Variants in GRB10 observed in about 807,000 individuals in gnomAD.
GRB10 encodes the protein growth factor receptor-bound protein 10.
Under a neutral mutation model 80.9 loss-of-function variants are expected in GRB10, and 20 were observed. The ratio of observed to expected loss-of-function variants is 0.25; its 90% confidence interval spans 0.17 to 0.36. The LOEUF is 0.36. GRB10 is among the 10% of genes least tolerant of loss of function. The pLI is 1.00. For synonymous variants in GRB10, 291 were observed against 291.5 expected, an observed-to-expected ratio of 1.00 and a Z score of 0.02; for missense variants, 548 against 747.7, an observed-to-expected ratio of 0.73 and a Z score of 3.12.
At chr7:50,677,855 CCACACACATG>C (rs893217213) in intron 5 of GRB10, among the ~76,000 whole-genome samples, 1 of 152,164 alleles carries the variant, frequency 6.6e-6, no homozygotes, top group Non-Finnish European at 1.5e-5. Context: ...GCGAACATGT[CCACACACATG>C]CACACACTTG....
At chr7:50,760,112 C>G (rs555336607) in intron 2 of GRB10, among the ~76,000 whole-genome samples, 2 of 152,248 alleles carry the variant, frequency 1.3e-5, no homozygotes, top group African/African-American at 4.8e-5. Flanking sequence ...CCATGCAGAC[C>G]AGAAGCACAG....
intron 4 of GRB10, among the ~76,000 whole-genome samples, chr7:50,705,793 T>C (rs558407721): frequency 6.6e-6 from 1 of 152,360 alleles, no homozygotes; most frequent in South Asian, 2.1e-4. Context: ...ATACAGGTTG[T>C]TGGAAATGTA....
intron 9 of GRB10, among the ~76,000 whole-genome samples, 171 bp from the exon 10 acceptor site, chr7:50,618,310 T>C (rs2051018417): frequency 6.6e-6 from 1 of 152,222 alleles, no homozygotes; most frequent in African/African-American, 2.4e-5. Context: ...AACACCTCCT[T>C]CAAAAGGTTG....
chr7:50,716,653 C>G (rs768903519), intron 4 of GRB10, among the ~76,000 whole-genome samples: 1 of 152,184 alleles, frequency 6.6e-6, no homozygotes, highest in Non-Finnish European at 1.5e-5. Context: ...TCCAACCCTA[C>G]AGATGAAAAA....
At chr7:50,764,758 C>T (rs144615815) in intron 2 of GRB10, among the ~76,000 whole-genome samples, 4 of 152,306 alleles carry the variant, frequency 2.6e-5, no homozygotes, top group Non-Finnish European at 5.9e-5. Flanking sequence ...CAGAGTGCTT[C>T]ACACAGCACT....
chr7:50,687,290 G>C (rs2062212830), intron 5 of GRB10, among the ~76,000 whole-genome samples: 1 of 152,216 alleles, frequency 6.6e-6, no homozygotes, highest in Admixed American at 6.5e-5. Flanking sequence ...CTATTGGCAG[G>C]ATACATTCCC....
At chr7:50,770,285 A>G (rs2076852771) in intron 2 of GRB10, among the ~76,000 whole-genome samples, 1 of 152,212 alleles carries the variant, frequency 6.6e-6, no homozygotes, top group Non-Finnish European at 1.5e-5. Flanking sequence ...AAGTTCCCTC[A>G]TTTGGCACAT....
intron 3 of GRB10, among the ~76,000 whole-genome samples, chr7:50,748,069 T>C (rs1188720670): frequency 4.6e-5 from 7 of 152,028 alleles, no homozygotes; most frequent in African/African-American, 1.7e-4. Context: ...GAGGATAGGA[T>C]TGTTCTCATC....
intron 3 of GRB10, among the ~76,000 whole-genome samples, chr7:50,745,694 T>G (rs1176059734): frequency 6.6e-6 from 1 of 152,224 alleles, no homozygotes; most frequent in Non-Finnish European, 1.5e-5. Context: ...GCCCTTGGAT[T>G]TAAACACTTT....
chr7:50,662,114 G>A (rs1292881438), intron 7 of GRB10, among the ~76,000 whole-genome samples: 2 of 152,232 alleles, frequency 1.3e-5, no homozygotes, highest in Non-Finnish European at 2.9e-5. Context: ...CTGCAATGTT[G>A]TGGAGTTGGA....
chr7:50,768,437 G>A (rs2076597099), intron 2 of GRB10, among the ~76,000 whole-genome samples: 1 of 152,104 alleles, frequency 6.6e-6, no homozygotes, highest in African/African-American at 2.4e-5. Context: ...GGTTCATTGT[G>A]GTCAGCTGGG....
intron 3 of GRB10, among the ~76,000 whole-genome samples, chr7:50,745,565 C>T (rs1336655158): frequency 6.6e-6 from 1 of 152,112 alleles, no homozygotes; most frequent in African/African-American, 2.4e-5. Flanking sequence ...ATAAAGCCAA[C>T]GGGAAGGAAA....
intron 2 of GRB10, chr7:50,761,645 C>G (rs1373778222): frequency 6.6e-6 from 1 of 152,176 alleles, no homozygotes; most frequent in Admixed American, 6.6e-5. Flanking sequence ...AGTGAAGAAA[C>G]AGAAACGAGG....
Position 50,733,960 on chromosome 7 carries a change from T to C in GRB10, c.-46-1592A>G, listed in dbSNP as rs139996523. Among the ~76,000 whole-genome samples the C allele has an allele frequency of 6.4e-4, 97 of 152,336 alleles. 1 individual carries two copies. In the East Asian group the frequency reaches 0.018, roughly 28 times the overall value. ...AATTTAGCTTAAGACTGTAGCAAACTCCTGCTTGAGTTTCCAGCCTGCCTG... is the reference window on the plus strand; with the variant it reads ...AATTTAGCTTAAGACTGTAGCAAACCCCTGCTTGAGTTTCCAGCCTGCCTG... On this transcript the variant is annotated intron_variant, in intron 3 of 18. Transcript: ENST00000401949.
Position 50,605,278 on chromosome 7 carries a change from C to A in GRB10, c.1389+12G>T, listed in dbSNP as rs2048334052. 2 of 1,599,944 alleles carry A rather than the reference C, an allele frequency of 1.3e-6. No homozygotes were observed. On this transcript the variant is annotated intron_variant, in intron 15 of 18. Coordinates refer to ENST00000401949, the MANE Select transcript of GRB10 (RefSeq NM_001350814.2). ...GGGTGCCCCTCCAGGCTGGCCAGGG[C>A]CGGGGCCTTACCCTCCAGGCGTGGC...
At chr7:50,708,917 G>A (rs2529399) in intron 4 of GRB10, among the ~76,000 whole-genome samples, 118,220 of 151,958 alleles carry the variant, frequency 0.78, 46,561 homozygotes, top group Middle Eastern at 0.91. Context: ...CTCGTGATCC[G>A]TCTGCCTTGG....
chr7:50,742,290 C>T (rs1340506770), intron 3 of GRB10, among the ~76,000 whole-genome samples: 3 of 29,776 alleles, frequency 1.0e-4, no homozygotes, highest in African/African-American at 1.8e-4. Flanking sequence ...CACACACACA[C>T]ACACACACAC....
intron 13 of GRB10, among the ~76,000 whole-genome samples, chr7:50,611,188 A>G (rs1171703160): frequency 6.6e-6 from 1 of 152,194 alleles, no homozygotes; most frequent in Non-Finnish European, 1.5e-5. Flanking sequence ...ACCATCAAAT[A>G]CAAATATTCC....
intron 1 of GRB10, among the ~76,000 whole-genome samples, chr7:50,791,824 C>T (rs1177468312): frequency 6.6e-6 from 1 of 152,164 alleles, no homozygotes; most frequent in African/African-American, 2.4e-5. Flanking sequence ...AAAACCTAGA[C>T]ATCTAGAATC....
Sources: gnomAD v4.1 joint callset for allele counts (sites outside exome capture counted in the v4.1 genomes callset) on GRCh38, gnomAD v4.1.1 for gene constraint, MANE v1.5 for transcripts, NCBI Gene and HGNC (gene_info 2026-07-23, HGNC 2026-07-21) for gene names.